CREB5: variants seen among roughly 807,000 people sequenced by gnomAD.
CREB5 encodes the protein cAMP responsive element binding protein 5, also known as cyclic AMP-responsive element-binding protein 5.
Under a neutral mutation model 57.1 loss-of-function variants are expected in CREB5, and 19 were observed. That is an observed-to-expected ratio of 0.33 (90% CI 0.23 to 0.49). The LOEUF (loss-of-function observed/expected upper bound fraction) is 0.49, where lower values mean the gene tolerates loss of function less well. Ranked by LOEUF, CREB5 falls within the 20% of genes least tolerant of loss-of-function variation. The pLI, the probability that CREB5 is intolerant of heterozygous loss-of-function variation, is 0.99. For missense variants in CREB5, 579 were observed against 671.6 expected (o/e 0.86, Z 1.52); for synonymous variants, 238 against 238.3 (o/e 1.00, Z 0.01).
intron 1 of CREB5, among the ~76,000 whole-genome samples, chr7:28,337,777 C>T (rs1785854915): frequency 6.6e-6 from 1 of 152,020 alleles, no homozygotes; most frequent in East Asian, 1.9e-4. Context: ...TTATCTTCCT[C>T]ATTTCCTTCC....
chr7:28,405,682 G>T (rs1205660406), intron 1 of CREB5, among the ~76,000 whole-genome samples: 1 of 152,176 alleles, frequency 6.6e-6, no homozygotes, highest in Non-Finnish European at 1.5e-5. Context: ...CTCCCAAAGA[G>T]CTGTGGTTAC....
At chr7:28,601,062 G>A (rs1412789055) in intron 5 of CREB5, among the ~76,000 whole-genome samples, 1 of 152,170 alleles carries the variant, frequency 6.6e-6, no homozygotes. Context: ...CAAAGGAAAG[G>A]AGTATGTAAA....
intron 1 of CREB5, 103 bp from the exon 2 acceptor site, chr7:28,488,072 G>C: frequency 2.0e-6 from 2 of 984,344 alleles, no homozygotes; most frequent in Non-Finnish European, 3.1e-6. Flanking sequence ...TATTGGCATA[G>C]AAAGGGGGCT....
intron 4 of CREB5, among the ~76,000 whole-genome samples, chr7:28,518,614 G>A (rs1793073095): frequency 6.6e-6 from 1 of 152,164 alleles, no homozygotes; most frequent in Admixed American, 6.5e-5. Context: ...AATGTGGTGG[G>A]CATGCGAGTC....
rs141563715 is a variant in CREB5, at chr7:28,818,539, T to C, written c.1363+360T>C. On this transcript the variant is annotated intron_variant, in intron 10 of 10. Transcript: ENST00000357727. The stretch of plus-strand genomic sequence containing the variant: ...AATCTGTGGTCTGGGAACCAGGCCT[T>C]GGGTGAATCATATCCAGTGCCTCCA... 4.5e-3 allele frequency among the ~76,000 whole-genome samples: 680 copies of C among 152,304 alleles called. 6 individuals are homozygous for C. The highest frequency in any genetic ancestry group is 0.016 in the African/African-American group (648 of 41,562).
At chr7:28,703,621 G>A (rs559231186) in intron 5 of CREB5, among the ~76,000 whole-genome samples, 1 of 152,250 alleles carries the variant, frequency 6.6e-6, no homozygotes, top group South Asian at 2.1e-4. Context: ...AGCACCAATG[G>A]TGTTGCTCCC....
chr7:28,512,147 T>C (rs1038961512), intron 4 of CREB5, among the ~76,000 whole-genome samples: 12 of 152,166 alleles, frequency 7.9e-5, no homozygotes, highest in African/African-American at 2.4e-4. Flanking sequence ...GGTTTCTTTT[T>C]AGATTTGCTA....
chr7:28,350,234 TCCTCCAACAC>T (rs1346520987), intron 1 of CREB5, among the ~76,000 whole-genome samples: 1 of 152,208 alleles, frequency 6.6e-6, no homozygotes, highest in Non-Finnish European at 1.5e-5. Flanking sequence ...CATTTTTTAC[TCCTCCAACAC>T]CCTCCAACGT....
rs1445237987 is a variant in CREB5, at chr7:28,445,924, G to GTAGAA, written c.3+33008_3+33012dup. On this transcript the variant is annotated intron_variant, in intron 1 of 10. Coordinates refer to ENST00000357727, the MANE Select transcript of CREB5 (RefSeq NM_182898.4). The stretch of plus-strand genomic sequence containing the variant: ...TGAGGGTATCCAAGGCCTGTTCATG[G>GTAGAA]TAGAAGCAAAACAACCTCAACAAAC... 7.2e-5 allele frequency among the ~76,000 whole-genome samples: 11 copies of GTAGAA among 152,312 alleles called. No homozygotes were observed. In the East Asian group the frequency reaches 2.1e-3, roughly 29 times the overall value.
intron 7 of CREB5, among the ~76,000 whole-genome samples, chr7:28,740,233 G>A (rs1428255617): frequency 6.6e-6 from 1 of 152,102 alleles, no homozygotes; most frequent in Non-Finnish European, 1.5e-5. Flanking sequence ...AAATTGTCAG[G>A]AAACAACTAG....
intron 1 of CREB5, among the ~76,000 whole-genome samples, chr7:28,308,229 G>C (rs958280562): frequency 5.9e-5 from 9 of 152,112 alleles, no homozygotes; most frequent in Non-Finnish European, 1.0e-4. Context: ...AAAAAAATGG[G>C]ACTGAAATAT....
At chr7:28,761,724 A>ATG (rs3831526) in intron 7 of CREB5, among the ~76,000 whole-genome samples, 7,471 of 146,092 alleles carry the variant, frequency 0.051, 201 homozygotes, top group African/African-American at 0.079. Flanking sequence ...GATGTGAGGG[A>ATG]TGTGTGTGTG....
chr7:28,753,788 G>C (rs35010731), intron 7 of CREB5, among the ~76,000 whole-genome samples: 33,200 of 151,858 alleles, frequency 0.22, 4,487 homozygotes, highest in Non-Finnish European at 0.31. Context: ...TGTGCATTTG[G>C]AGAAAAAAAT....
intron 5 of CREB5, among the ~76,000 whole-genome samples, chr7:28,643,752 G>C (rs77018930): frequency 4.4e-3 from 80 of 18,270 alleles, no homozygotes; most frequent in East Asian, 0.03. Context: ...TTTGGGAGGT[G>C]GGGGGGGGCG....
At chr7:28,736,910 T>C (rs2128754186) in intron 7 of CREB5, among the ~76,000 whole-genome samples, 1 of 150,982 alleles carries the variant, frequency 6.6e-6, no homozygotes, top group East Asian at 2.0e-4. Context: ...GAACCGTGCA[T>C]GGAGCACATC....
At chr7:28,732,868 A>G (rs372330587) in intron 7 of CREB5, among the ~76,000 whole-genome samples, 2 of 151,632 alleles carry the variant, frequency 1.3e-5, no homozygotes, top group Non-Finnish European at 2.9e-5. Context: ...TTAAAACCCA[A>G]GAATCCAATC....
At chr7:28,447,957 A>C (rs1789571570) in intron 1 of CREB5, among the ~76,000 whole-genome samples, 1 of 152,206 alleles carries the variant, frequency 6.6e-6, no homozygotes, top group Non-Finnish European at 1.5e-5. Context: ...ACTGAGTGTC[A>C]ACTTGATTGG....
intron 1 of CREB5, among the ~76,000 whole-genome samples, chr7:28,377,587 G>T (rs1786859276): frequency 6.6e-6 from 1 of 151,530 alleles, no homozygotes; most frequent in Admixed American, 6.6e-5. Flanking sequence ...TTTTTAAAGG[G>T]TAGACTTCTC....
chr7:28,817,731 G>A (rs183316191), intron 9 of CREB5, among the ~76,000 whole-genome samples: 1 of 152,230 alleles, frequency 6.6e-6, no homozygotes, highest in East Asian at 1.9e-4. Context: ...GAGGTTGCTG[G>A]AGCTCAGCTG....
Sources: allele counts gnomAD v4.1 joint callset (sites outside exome capture counted in the v4.1 genomes callset), GRCh38; gene constraint gnomAD v4.1.1; transcripts MANE v1.5; gene names NCBI Gene and HGNC (gene_info 2026-07-23, HGNC 2026-07-21).